ENO2: variants seen among roughly 807,000 people sequenced by gnomAD.
ENO2 encodes the protein enolase 2, also known as gamma-enolase.
A neutral mutation model predicts 48.7 loss-of-function variants in ENO2; 19 were observed. The ratio of observed to expected loss-of-function variants is 0.39; its 90% CI spans 0.27 to 0.57. ENO2 has a LOEUF of 0.57. Among genes scored for constraint, ENO2 ranks in the 20% least tolerant of loss-of-function variants. The pLI is 0.58. For synonymous variants in ENO2, 198 were observed against 213.4 expected (o/e 0.93, Z 0.63); for missense variants, 416 against 555.0 (o/e 0.75, Z 2.52).
rs1250019694 is a variant in ENO2, at chr12:6,916,472, G to A, written c.141G>A (p.Leu47=). 1.9e-5 allele frequency: 30 copies of A among 1,613,974 alleles called. No individual in the cohort carries two copies. The highest frequency in any genetic ancestry group is 2.5e-5 in the Non-Finnish European group (30 of 1,180,010). ...CCTCTACGGGCATCTATGAGGCCCTGGAGCTGAGGGATGGAGACAAACAGC... is the reference window on the plus strand; with the variant it reads ...CCTCTACGGGCATCTATGAGGCCCTAGAGCTGAGGGATGGAGACAAACAGC... ...SGASTGIYEA[L]ELRDGDKQRY... Residue 47 remains leucine, a synonymous_variant, in exon 3 of 12, where the codon CTG becomes CTA. Coordinates refer to ENST00000229277, the MANE Select transcript of ENO2 (RefSeq NM_001975.3). This position sits in a 1 kb window ranked among gnomAD's most constrained non-coding sequence, Gnocchi z 4.5.
chr12:6,917,894 G>A, intron 6 of ENO2, 46 bp from the exon 7 acceptor site: 2 of 1,601,438 alleles, frequency 1.2e-6, no homozygotes, highest in Non-Finnish European at 1.7e-6. Context: ...CCTGGGGCGG[G>A]CAGGGAGGGG....
chr12:6,917,096 C>G lies in ENO2; in HGVS notation c.299C>G (p.Thr100Ser). 6.2e-7 allele frequency: 1 copy of G among 1,614,092 alleles called. No individual in the cohort carries two copies. The highest frequency in any genetic ancestry group is 8.5e-7 in the Non-Finnish European group (1 of 1,180,018). The change falls in exon 5 of 12, where the codon ACT becomes AGT. Residue 100 changes from threonine (T) to serine (S), a missense_variant. Physicochemically the swap from Thr to Ser is moderately conservative, Grantham distance 58 (BLOSUM62 1). Coordinates refer to ENST00000229277, the MANE Select transcript of ENO2 (RefSeq NM_001975.3). ...AACCTGATGCTGGAGTTGGATGGGA[C>G]TGAGAACAAATGTGAGCCGGGGCCG... ...LDNLMLELDG[T>S]ENKSKFGANA...
intron 7 of ENO2, among the ~76,000 whole-genome samples, chr12:6,919,001 A>G (rs1478550759): frequency 6.9e-6 from 1 of 145,974 alleles, no homozygotes; most frequent in Non-Finnish European, 1.5e-5. Flanking sequence ...AAAAAAAAAA[A>G]AAGTTGTCAC....
At position 6,919,764 on chromosome 12, in the gene ENO2, G is replaced by A. The variant is rs781902858; in HGVS notation, c.865+1G>A. On this transcript the variant is annotated splice_donor_variant, in intron 8 of 11. Transcript: ENST00000229277. LOFTEE classifies it high-confidence loss of function. ...CAGGACTTTGTCAGGGACTATCCTGGTGAGAGGAAGTGGTGTGAGGGGGAG... is the reference window on the plus strand; with the variant it reads ...CAGGACTTTGTCAGGGACTATCCTGATGAGAGGAAGTGGTGTGAGGGGGAG... 6.2e-7 allele frequency: 1 copy of A among 1,613,162 alleles called. No homozygotes were observed. The highest frequency in any genetic ancestry group is 8.5e-7 in the Non-Finnish European group (1 of 1,179,820).
chr12:6,922,928 C>T lies in ENO2; in HGVS notation c.*128C>T. The T allele has an allele frequency of 1.1e-6, 1 of 894,264 alleles. No homozygotes were observed. The highest frequency in any genetic ancestry group is 1.8e-6 in the Non-Finnish European group (1 of 562,738). 55.4% of individuals were successfully genotyped at this position (894,264 alleles called of 1,614,324 possible). On this transcript the variant is annotated 3_prime_UTR_variant, in exon 12 of 12. Transcript: ENST00000229277. The surrounding 1 kb of genome is among the most constrained non-coding windows in gnomAD (Gnocchi z 5.3). ...GGTGCCCAGAACTTCCCTGATTGACCTGCTCCGCTGCTCCTTGGCTTACCT... is the reference window on the plus strand; with the variant it reads ...GGTGCCCAGAACTTCCCTGATTGACTTGCTCCGCTGCTCCTTGGCTTACCT...
intron 7 of ENO2, among the ~76,000 whole-genome samples, chr12:6,919,072 C>T (rs1362020028): frequency 2.7e-5 from 4 of 150,524 alleles, no homozygotes; most frequent in South Asian, 2.1e-4. Flanking sequence ...CCCATCCATT[C>T]GAAATCTGTC....
chr12:6,918,117 G>A lies in ENO2; in HGVS notation c.622G>A (p.Gly208Arg), dbSNP rs1555141815. ...ATACGGCAAGGATGCCACCAATGTG[G>A]GGGATGAAGGTGGCTTTGCCCCCAA... ...DKYGKDATNV[G>R]DEGGFAPNIL... Residue 208 changes from glycine to arginine, a missense_variant, in exon 7 of 12, where the codon GGG (glycine) becomes AGG (arginine). Transcript: ENST00000229277. 4.3e-6 allele frequency: 7 copies of A among 1,614,064 alleles called. No individual in the cohort carries two copies. In the Admixed American group the frequency reaches 1.0e-4, roughly 23 times the overall value.
rs1464326667 is a variant in ENO2, at chr12:6,922,225, C to T, written c.1176+61C>T. The T allele has an allele frequency of 4.4e-6, 7 of 1,603,200 alleles. No homozygotes were observed. Among genetic ancestry groups the T allele is most frequent in the Non-Finnish European group, 5.1e-6 (6 of 1,171,618 alleles). On this transcript the variant is annotated intron_variant, in intron 10 of 11. Coordinates refer to ENST00000229277, the MANE Select transcript of ENO2 (RefSeq NM_001975.3). This position sits in a 1 kb window ranked among gnomAD's most constrained non-coding sequence, Gnocchi z 5.3. ...CTGTGGGATTGGTATTTCTAGCTCACCCACCTGGTCTCTCCTTCCAGGTGT... is the reference window on the plus strand; with the variant it reads ...CTGTGGGATTGGTATTTCTAGCTCATCCACCTGGTCTCTCCTTCCAGGTGT...
Position 6,916,928 on chromosome 12 carries a change from G to A in ENO2, c.241-110G>A, listed in dbSNP as rs781920645. 2.3e-4 allele frequency: 343 copies of A among 1,502,764 alleles called. No homozygotes were observed. Among genetic ancestry groups the A allele is most frequent in the Non-Finnish European group, 3.1e-4 (333 of 1,091,194 alleles). 93.1% of individuals were successfully genotyped at this position (1,502,764 alleles called of 1,614,324 possible). A position where few individuals can be genotyped will look rare whatever the true frequency, so the allele number is the denominator to read the frequency against. On this transcript the variant is annotated intron_variant, in intron 4 of 11. Transcript: ENST00000229277. This position sits in a 1 kb window ranked among gnomAD's most constrained non-coding sequence, Gnocchi z 4.5. ...TAATCCAGGTAGGCCCCTGTCACAGGGACCTGGTTGGACCCTGGCCAAATG... is the reference window on the plus strand; with the variant it reads ...TAATCCAGGTAGGCCCCTGTCACAGAGACCTGGTTGGACCCTGGCCAAATG...
intron 7 of ENO2, 152 bp from the exon 8 acceptor site, chr12:6,919,414 C>A: frequency 1.4e-6 from 1 of 730,180 alleles, no homozygotes; most frequent in East Asian, 2.7e-5. Context: ...GATGGCCTCT[C>A]CTCCCAGACC....
intron 1 of ENO2, 27 bp from the exon 2 acceptor site, chr12:6,915,794 C>G: frequency 6.7e-7 from 1 of 1,497,560 alleles, no homozygotes; most frequent in Non-Finnish European, 9.1e-7. Flanking sequence ...TCTTATCTTT[C>G]TCCTTCCTTC....
rs782486777 is a variant in ENO2, at chr12:6,917,073, C to T, written c.276C>T (p.Asn92=). The change falls in exon 5 of 12, where the codon AAC becomes AAT. Residue 92 remains asparagine (N), a synonymous_variant. Transcript: ENST00000229277. ...TGGTGGAGCAAGAGAAACTGGACAA[C>T]CTGATGCTGGAGTTGGATGGGACTG... The part of the protein sequence containing the change: ...LSVVEQEKLD[N]LMLELDGTEN... The T allele has an allele frequency of 1.1e-5, 18 of 1,613,982 alleles. No individual in the cohort carries two copies. Among genetic ancestry groups the T allele is most frequent in the Non-Finnish European group, 1.5e-5 (18 of 1,180,002 alleles).
chr12:6,921,574 T>C lies in ENO2; in HGVS notation c.866-7T>C, dbSNP rs1555142107. On this transcript the variant is annotated splice_polypyrimidine_tract_variant and splice_region_variant and intron_variant, in intron 8 of 11. Transcript: ENST00000229277. ...CCTCCCCCCTCCCCACCATGCTCTC[T>C]CTGCAGTGGTCTCCATTGAGGACCC... 4.3e-6 allele frequency: 7 copies of C among 1,614,032 alleles called. No homozygotes were observed. Among genetic ancestry groups the C allele is most frequent in the Non-Finnish European group, 5.1e-6 (6 of 1,179,972 alleles).
rs1555142209 is a variant in ENO2, at chr12:6,922,316, G to A, written c.1177-28G>A. ...TTTCAGGGGTGAGAGGGCAGTCACT[G>A]AGCTGCAAATCCTTTGAAATGTTTC... On this transcript the variant is annotated intron_variant, in intron 10 of 11. Coordinates refer to ENST00000229277, the MANE Select transcript of ENO2 (RefSeq NM_001975.3). This position sits in a 1 kb window ranked among gnomAD's most constrained non-coding sequence, Gnocchi z 5.3. The A allele has an allele frequency of 8.7e-6, 14 of 1,614,172 alleles. No homozygotes were observed. Among genetic ancestry groups the A allele is most frequent in the Non-Finnish European group, 1.2e-5 (14 of 1,180,002 alleles).
chr12:6,919,468 A>G, intron 7 of ENO2, 98 bp from the exon 8 acceptor site: 1 of 1,354,290 alleles, frequency 7.4e-7, no homozygotes, highest in Non-Finnish European at 1.0e-6. Context: ...TCCCTCAGGA[A>G]CAGCCCTCCA....
chr12:6,915,498 C>T (rs1945281231), intron 1 of ENO2: 1 of 315,242 alleles, frequency 3.2e-6, no homozygotes, highest in African/African-American at 2.1e-5. Flanking sequence ...CACCGGCTGG[C>T]CAAGCTGCAA....
Position 6,915,851 on chromosome 12 carries a change from T to C in ENO2, c.19T>C (p.Trp7Arg), listed in dbSNP as rs1945285947. The C allele has an allele frequency of 6.2e-7, 1 of 1,613,792 alleles. No homozygotes were observed. Reference protein sequence around the residue: MSIEKIWAREILDSRGN... With the variant: MSIEKIRAREILDSRGN... ...AGCCATCATGTCCATAGAGAAGATCTGGGCCCGGGAGATCCTGGACTCCCG... is the reference window on the plus strand; with the variant it reads ...AGCCATCATGTCCATAGAGAAGATCCGGGCCCGGGAGATCCTGGACTCCCG... The change falls in exon 2 of 12, where the codon TGG becomes CGG. Residue 7 changes from tryptophan (W) to arginine (R), a missense_variant. Transcript: ENST00000229277.
In ENO2 at chr12:6,921,724, T is replaced by C; in HGVS notation, c.1009T>C (p.Cys337Arg). ...RIERAVEEKA[C>R]NCLLLKVNQI... ...TGAGCGGGCAGTGGAAGAAAAGGCCTGCAACTGTCTGCTGCTCAAGGTCAA... is the reference window on the plus strand; with the variant it reads ...TGAGCGGGCAGTGGAAGAAAAGGCCCGCAACTGTCTGCTGCTCAAGGTCAA... The change falls in exon 9 of 12, where the codon TGC becomes CGC. Residue 337 changes from cysteine to arginine, a missense_variant. By Grantham distance (180) the Cys-to-Arg change is radical (BLOSUM62 -3). Transcript: ENST00000229277. 2 of 1,614,178 alleles carry C rather than the reference T, an allele frequency of 1.2e-6. No homozygotes were observed. The highest frequency in any genetic ancestry group is 1.7e-6 in the Non-Finnish European group (2 of 1,180,024).
intron 1 of ENO2, 127 bp from the exon 2 acceptor site, chr12:6,915,694 A>ATCC: frequency 6.9e-6 from 1 of 145,568 alleles, no homozygotes; most frequent in Non-Finnish European, 1.4e-5. Flanking sequence ...GCGCCTCCCT[A>ATCC]CCCACCCCCC....
Sources: gnomAD v4.1 joint callset for allele counts (sites outside exome capture counted in the v4.1 genomes callset) on GRCh38, gnomAD v4.1.1 for gene constraint, Gnocchi (gnomAD v3.1) non-coding constraint, MANE v1.5 for transcripts, NCBI Gene and HGNC (gene_info 2026-07-23, HGNC 2026-07-21) for gene names.